FARS2: variants seen among roughly 807,000 people sequenced by gnomAD.
The protein encoded by FARS2 is phenylalanine--tRNA ligase, mitochondrial.
In FARS2, 40 loss-of-function variants were observed where a neutral mutation model predicts 46.4. The observed-to-expected ratio is 0.86, with a 90% CI of 0.67 to 1.12. The LOEUF (loss-of-function observed/expected upper bound fraction) is 1.12. Among genes scored for constraint, FARS2 ranks in the 50% most tolerant of loss-of-function variants. The probability of loss-of-function intolerance (pLI) is 0.00; values close to 1 mark genes in which losing one functional copy is unlikely to be tolerated. For missense variants in FARS2, 513 were observed against 567.9 expected (o/e 0.90, Z 0.98); for synonymous variants, 234 against 214.9 (o/e 1.09, Z -0.78).
chr6:5,676,366 C>A (rs1271025101), intron 6 of FARS2, among the ~76,000 whole-genome samples: 1 of 152,202 alleles, frequency 6.6e-6, no homozygotes, highest in Non-Finnish European at 1.5e-5. Context: ...AAACAGTACA[C>A]ATATTAGACT....
chr6:5,633,267 T>A (rs1036619789), intron 6 of FARS2, among the ~76,000 whole-genome samples: 11 of 113,890 alleles, frequency 9.7e-5, no homozygotes, highest in African/African-American at 4.7e-4. Flanking sequence ...CCTGGCTTTT[T>A]TTTTTTTTTT....
chr6:5,432,893 G>A (rs1384781051), intron 4 of FARS2, among the ~76,000 whole-genome samples: 1 of 152,126 alleles, frequency 6.6e-6, no homozygotes, highest in East Asian at 1.9e-4. Flanking sequence ...GTGTTACCTC[G>A]GCTGGGAGAC....
intron 6 of FARS2, among the ~76,000 whole-genome samples, chr6:5,685,240 G>A (rs544024386): frequency 2.6e-5 from 4 of 152,266 alleles, no homozygotes; most frequent in Admixed American, 6.5e-5. Flanking sequence ...TCCCTTGTAC[G>A]TATAGTTGCT....
At chr6:5,612,802 T>A (rs760129267) in intron 5 of FARS2, among the ~76,000 whole-genome samples, 1 of 152,214 alleles carries the variant, frequency 6.6e-6, no homozygotes. Flanking sequence ...TCTGAAAGTA[T>A]CACAAGAAGT....
intron 4 of FARS2, among the ~76,000 whole-genome samples, chr6:5,517,854 T>G (rs1207681065): frequency 6.6e-6 from 1 of 152,196 alleles, no homozygotes; most frequent in African/African-American, 2.4e-5. Context: ...CCTATTCAAG[T>G]TACACTCTAG....
At chr6:5,350,893 C>A (rs1757534602) in intron 1 of FARS2, among the ~76,000 whole-genome samples, 1 of 152,244 alleles carries the variant, frequency 6.6e-6, no homozygotes, top group Middle Eastern at 3.4e-3. Flanking sequence ...AAGCTAATTC[C>A]TCTGGAGAGC....
chr6:5,521,674 G>A (rs1418693373), intron 4 of FARS2, among the ~76,000 whole-genome samples: 2 of 152,210 alleles, frequency 1.3e-5, no homozygotes, highest in East Asian at 1.9e-4. Flanking sequence ...AGGCAAGACT[G>A]TATATGATTG....
intron 3 of FARS2, among the ~76,000 whole-genome samples, chr6:5,424,469 C>T (rs904592329): frequency 2.1e-4 from 32 of 152,094 alleles, no homozygotes; most frequent in South Asian, 4.1e-4. Flanking sequence ...GGACTGAGGG[C>T]GTGCTCTATG....
chr6:5,299,089 G>T (rs1200495414), intron 1 of FARS2, among the ~76,000 whole-genome samples: 1 of 152,122 alleles, frequency 6.6e-6, no homozygotes, highest in Non-Finnish European at 1.5e-5. Flanking sequence ...GCAGAGCCTT[G>T]CGTTTTGGAA....
chr6:5,483,060 A>G (rs1175841483), intron 4 of FARS2, among the ~76,000 whole-genome samples: 1 of 152,176 alleles, frequency 6.6e-6, no homozygotes, highest in Non-Finnish European at 1.5e-5. Flanking sequence ...CCTTGGGTCC[A>G]TGTACAAGAG....
chr6:5,490,863 C>A (rs970428028), intron 4 of FARS2, among the ~76,000 whole-genome samples: 1 of 152,206 alleles, frequency 6.6e-6, no homozygotes, highest in South Asian at 2.1e-4. Flanking sequence ...GATATCCAAC[C>A]AGTTATACCT....
At chr6:5,379,870 G>A (rs1339780958) in intron 2 of FARS2, among the ~76,000 whole-genome samples, 6 of 152,124 alleles carry the variant, frequency 3.9e-5, no homozygotes, top group African/African-American at 1.2e-4. Context: ...TTAGCATTTT[G>A]CCAGCTGGCA....
At chr6:5,713,877 C>T (rs979269573) in intron 6 of FARS2, among the ~76,000 whole-genome samples, 10 of 152,212 alleles carry the variant, frequency 6.6e-5, no homozygotes, top group African/African-American at 2.4e-4. Flanking sequence ...CCGTCTTGCT[C>T]TACTGTGTTC....
chr6:5,415,899 G>T (rs779209440), intron 3 of FARS2, among the ~76,000 whole-genome samples: 1 of 152,064 alleles, frequency 6.6e-6, no homozygotes, highest in Non-Finnish European at 1.5e-5. Flanking sequence ...TAGAGATGGG[G>T]TCTCACTATA....
the FARS2 span, among the ~76,000 whole-genome samples, chr6:5,255,253 C>G: frequency 6.3e-4 from 96 of 152,290 alleles, no homozygotes; most frequent in South Asian, 6.2e-4. Flanking sequence ...AGGAAGACAT[C>G]TGCATTCTCT....
intron 4 of FARS2, among the ~76,000 whole-genome samples, chr6:5,459,791 C>T (rs1041184705): frequency 1.3e-5 from 2 of 152,212 alleles, no homozygotes; most frequent in African/African-American, 4.8e-5. Context: ...CCTCCCTCCA[C>T]CTTCCTATTT....
chr6:5,617,337 T>C lies in FARS2; in HGVS notation c.1217+4017T>C, dbSNP rs138830782. On this transcript the variant is annotated intron_variant, in intron 6 of 6. Transcript: ENST00000274680. ...CTTGAATACATATTGTACAGATATTTATAGACTATTTTTTTGGAGCTATGC... is the reference window on the plus strand; with the variant it reads ...CTTGAATACATATTGTACAGATATTCATAGACTATTTTTTTGGAGCTATGC... 3.3e-5 allele frequency among the ~76,000 whole-genome samples: 5 copies of C among 152,356 alleles called. 1 individual carries two copies. The East Asian group carries it at 9.6e-4, about 29-fold the overall frequency.
At chr6:5,674,361 TA>T (rs1778646221) in intron 6 of FARS2, among the ~76,000 whole-genome samples, 5 of 152,058 alleles carry the variant, frequency 3.3e-5, no homozygotes. Context: ...TTGACATTCT[TA>T]AAAAGTTAAC....
chr6:5,260,586 C>A, upstream of FARS2: 1 of 1,303,068 alleles, frequency 7.7e-7, no homozygotes. Flanking sequence ...CCGCGTCAGC[C>A]CGCACCCCCG....
Sources: gnomAD v4.1 joint callset for allele counts (sites outside exome capture counted in the v4.1 genomes callset) on GRCh38, gnomAD v4.1.1 for gene constraint, MANE v1.5 for transcripts, NCBI Gene and HGNC (gene_info 2026-07-23, HGNC 2026-07-21) for gene names.